Variants in MMP26 observed in about 807,000 individuals in gnomAD.
The protein encoded by MMP26 is matrix metalloproteinase-26.
MMP26 carries 33 observed loss-of-function variants against 31.0 expected under a neutral mutation model. The observed-to-expected ratio is 1.06, with a 90% confidence interval of 0.81 to 1.42. The LOEUF is 1.42. Ranked by LOEUF, MMP26 falls within the 40% of genes most tolerant of loss-of-function variation. MMP26 has a pLI of 0.00. For synonymous variants in MMP26, 122 were observed against 114.9 expected, an observed-to-expected ratio of 1.06 and a Z score of -0.40; for missense variants, 347 against 316.1, an observed-to-expected ratio of 1.10 and a Z score of -0.74.
intron 2 of MMP26, among the ~76,000 whole-genome samples, chr11:4,852,317 A>T (rs1053301941): frequency 2.6e-5 from 4 of 152,162 alleles, no homozygotes; most frequent in African/African-American, 9.6e-5. Flanking sequence ...ACACAAGGAA[A>T]TAGAAATCTT....
In MMP26 at chr11:4,710,965, A is replaced by C. The variant is rs577513709; in HGVS notation, c.-217+5920A>C. 3.3e-5 allele frequency: 5 copies of C among 153,344 alleles called. No homozygotes were observed. The South Asian group carries it at 6.2e-4, about 19-fold the overall frequency. 9.5% of individuals were successfully genotyped at this position (153,344 alleles called of 1,614,324 possible). On this transcript the variant is annotated intron_variant, in intron 1 of 7. Transcript: ENST00000380390. ...TGGCTGAAGAATATGAATAAGCACA[A>C]TAAGCAAGAAGTATTAATAAAAGGA...
rs1850510450 is a variant in MMP26, at chr11:4,883,697, C to T, written c.-144-104371C>T. Among the ~76,000 whole-genome samples, 2 of 152,088 alleles carry T rather than the reference C, an allele frequency of 1.3e-5. 1 individual carries two copies. The highest frequency in any genetic ancestry group is 4.8e-5 in the African/African-American group (2 of 41,424). ...TAATTTTCTACCTAGCTATTGACTG[C>T]TTCTACCTTCTGGTATACTCATCAC... On this transcript the variant is annotated intron_variant, in intron 2 of 7. Transcript: ENST00000380390.
intron 2 of MMP26, chr11:4,946,232 G>A (rs1385660063): frequency 6.2e-7 from 1 of 1,613,780 alleles, no homozygotes; most frequent in African/African-American, 1.3e-5. Context: ...ATAAACAATT[G>A]GGTTCGTCAG....
chr11:4,936,577 A>G (rs1846115734), intron 2 of MMP26, among the ~76,000 whole-genome samples: 2 of 152,128 alleles, frequency 1.3e-5, no homozygotes, highest in Non-Finnish European at 1.5e-5. Context: ...AAATAGTTAG[A>G]TCTTCACTGA....
intron 2 of MMP26, among the ~76,000 whole-genome samples, chr11:4,969,906 T>A (rs534448289): frequency 1.2e-3 from 187 of 152,326 alleles, no homozygotes; most frequent in Non-Finnish European, 1.9e-3. Flanking sequence ...GTTTAGTTTT[T>A]TCCTAGGAAT....
At chr11:4,956,384 C>G (rs2133615961) in intron 2 of MMP26, among the ~76,000 whole-genome samples, 1 of 152,282 alleles carries the variant, frequency 6.6e-6, no homozygotes, top group East Asian at 1.9e-4. Flanking sequence ...TTTGTAGATA[C>G]AGTAAATCTA....
intron 2 of MMP26, among the ~76,000 whole-genome samples, chr11:4,770,815 C>A (rs1330136790): frequency 2.0e-5 from 3 of 152,032 alleles, no homozygotes; most frequent in Non-Finnish European, 4.4e-5. Flanking sequence ...CGCACTCCAG[C>A]CTGGTGACAG....
chr11:4,874,635 A>G (rs1294403468), intron 2 of MMP26, among the ~76,000 whole-genome samples: 2 of 151,772 alleles, frequency 1.3e-5, no homozygotes, highest in Non-Finnish European at 2.9e-5. Context: ...AAGGGTTATG[A>G]TAAATACAAA....
rs760244072 is a variant in MMP26, at chr11:4,915,585, G to C, written c.-144-72483G>C. On this transcript the variant is annotated intron_variant, in intron 2 of 7. Coordinates refer to ENST00000380390, the MANE Select transcript of MMP26 (RefSeq NM_021801.5). ...GGGATGGAGATCCAGATGTGCATGC[G>C]CTCCAGCCCAGGGATGCCACTCAGC... 5.6e-6 allele frequency: 9 copies of C among 1,613,882 alleles called. No homozygotes were observed. In the African/African-American group the frequency reaches 1.2e-4, roughly 22 times the overall value.
At chr11:4,955,727 G>A (rs747411980) in intron 2 of MMP26, 311 of 1,567,638 alleles carry the variant, frequency 2.0e-4, no homozygotes, top group Middle Eastern at 1.2e-3. Context: ...TCATTCATAG[G>A]GCTCTGCTAT....
intron 2 of MMP26, among the ~76,000 whole-genome samples, chr11:4,867,763 A>T (rs915106463): frequency 3.9e-5 from 6 of 152,106 alleles, no homozygotes; most frequent in African/African-American, 1.2e-4. Context: ...CAAGGTTCTG[A>T]AGAAAAAGGA....
intron 2 of MMP26, among the ~76,000 whole-genome samples, chr11:4,796,266 A>G (rs1849107404): frequency 6.6e-6 from 1 of 152,200 alleles, no homozygotes; most frequent in African/African-American, 2.4e-5. Context: ...GTGTTTATCA[A>G]TCTAATGAAT....
chr11:4,850,667 C>A (rs1849962504), intron 2 of MMP26, among the ~76,000 whole-genome samples: 2 of 151,724 alleles, frequency 1.3e-5, no homozygotes, highest in African/African-American at 4.8e-5. Flanking sequence ...CAAGTTAACC[C>A]TAAACATTTA....
At chr11:4,907,752 A>G (rs1269165408) in intron 2 of MMP26, 4 of 1,613,894 alleles carry the variant, frequency 2.5e-6, no homozygotes, top group South Asian at 1.1e-5. Context: ...GCCATTCACA[A>G]TCCCTTAAGA....
chr11:4,941,081 A>G (rs145630986), intron 2 of MMP26, among the ~76,000 whole-genome samples: 9 of 152,240 alleles, frequency 5.9e-5, no homozygotes, highest in Non-Finnish European at 8.8e-5. Context: ...TATACATAGG[A>G]TAAGCCATTT....
At chr11:4,763,195 A>G (rs1423035630) in intron 1 of MMP26, among the ~76,000 whole-genome samples, 1 of 152,184 alleles carries the variant, frequency 6.6e-6, no homozygotes, top group African/African-American at 2.4e-5. Context: ...AGTCTGCATC[A>G]AAGAAGCCGT....
rs187611839 is a variant in MMP26, at chr11:4,948,469, T to G, written c.-144-39599T>G. On this transcript the variant is annotated intron_variant, in intron 2 of 7. Transcript: ENST00000380390. ...GTCTGTTATATTACTGATAATTAAGTATATAGCACGCTATCAGGTTTGCCA... is the reference window on the plus strand; with the variant it reads ...GTCTGTTATATTACTGATAATTAAGGATATAGCACGCTATCAGGTTTGCCA... Among the ~76,000 whole-genome samples the G allele has an allele frequency of 3.5e-4, 44 of 124,404 alleles. 9 individuals carry two copies. Among genetic ancestry groups the G allele is most frequent in the African/African-American group, 1.2e-3 (44 of 36,748 alleles). The allele number at this position is 124,404 out of a possible 152,430, so 81.6% of individuals were successfully genotyped here.
intron 1 of MMP26, among the ~76,000 whole-genome samples, chr11:4,731,737 T>C (rs913387130): frequency 6.6e-6 from 1 of 152,266 alleles, no homozygotes; most frequent in African/African-American, 2.4e-5. Flanking sequence ...GGTTCATACA[T>C]GTGGCTATTT....
intron 1 of MMP26, among the ~76,000 whole-genome samples, chr11:4,722,008 C>T (rs1450441989): frequency 6.6e-6 from 1 of 152,204 alleles, no homozygotes; most frequent in Non-Finnish European, 1.5e-5. Flanking sequence ...CAATGGGTCA[C>T]ATCTTCCTTT....
Sources: gnomAD v4.1 joint callset for allele counts (sites outside exome capture counted in the v4.1 genomes callset) on GRCh38, gnomAD v4.1.1 for gene constraint, MANE v1.5 for transcripts, NCBI Gene and HGNC (gene_info 2026-07-23, HGNC 2026-07-21) for gene names.